The following ANGEL2 variants were observed in gnomAD, a reference collection of about 807,000 sequenced individuals.
ANGEL2 encodes the protein angel homolog 2.
A neutral mutation model predicts 66.0 loss-of-function variants in ANGEL2; 41 were observed. That is an observed-to-expected ratio of 0.62 (90% confidence interval 0.48 to 0.81). ANGEL2 has a LOEUF of 0.81. Among genes scored for constraint, ANGEL2 ranks in the 30% least tolerant of loss-of-function variants. The pLI, the probability that ANGEL2 is intolerant of heterozygous loss-of-function variation, is 0.00. For missense variants in ANGEL2, 561 were observed against 641.6 expected (o/e 0.87, Z 1.36); for synonymous variants, 208 against 226.5 (o/e 0.92, Z 0.73).
rs2075918627 is a variant in ANGEL2 at position 212,993,679 on chromosome 1, T to C, written c.*1362A>G. On this transcript the variant is annotated 3_prime_UTR_variant, in exon 9 of 9. Coordinates refer to ENST00000366962, the MANE Select transcript of ANGEL2 (RefSeq NM_144567.5). ...ACTTGTATAGAGGATTTATTAAACC[T>C]GCTCATAACCACTTCATAGAAAGTG... 1 of 152,240 alleles carries C rather than the reference T, an allele frequency of 6.6e-6. No homozygotes were observed. Among genetic ancestry groups the C allele is most frequent in the Admixed American group, 6.5e-5 (1 of 15,292 alleles). 9.4% of individuals were successfully genotyped at this position (152,240 alleles called of 1,614,324 possible).
At chr1:213,011,478 A>T in intron 2 of ANGEL2, 1 of 1,100,102 alleles carries the variant, frequency 9.1e-7, no homozygotes. Flanking sequence ...ATGGACATAT[A>T]GAAAGTCAGG....
At position 213,007,143 on chromosome 1, in the gene ANGEL2, C is replaced by T. The variant is rs564082006; in HGVS notation, c.698G>A (p.Ser233Asn). ...TTGCATTGTACCCAGTGATTCCAAA[C>T]TTGGCCTGATCTCTGCTCCATAATG... ...EDHYGAEIRP[S>N]LESLGYHCEY... Residue 233 changes from serine (S) to asparagine (N), a missense_variant, in exon 4 of 9, where the codon AGT becomes AAT. Transcript: ENST00000366962. 1.9e-6 allele frequency: 3 copies of T among 1,594,228 alleles called. No homozygotes were observed. The highest frequency in any genetic ancestry group is 4.5e-5 in the East Asian group (2 of 44,152).
At position 212,994,967 on chromosome 1, in the gene ANGEL2, A is replaced by T; in HGVS notation, c.*74T>A. 1.4e-6 allele frequency: 2 copies of T among 1,386,162 alleles called. No homozygotes were observed. The highest frequency in any genetic ancestry group is 1.9e-6 in the Non-Finnish European group (2 of 1,047,462). The allele number at this position is 1,386,162 out of a possible 1,614,324, so 85.9% of individuals were successfully genotyped here. On this transcript the variant is annotated 3_prime_UTR_variant, in exon 9 of 9. Transcript: ENST00000366962. Reference sequence around the variant, plus strand: ...CACAGTGCAAAAATAAACAACATGCATACACTTAAGAACTTTACATTCTTT... The same window carrying T: ...CACAGTGCAAAAATAAACAACATGCTTACACTTAAGAACTTTACATTCTTT...
In ANGEL2 at chr1:212,997,209, T is replaced by A. The variant is rs1405945656; in HGVS notation, c.1429A>T (p.Thr477Ser). 5 of 1,614,044 alleles carry A rather than the reference T, an allele frequency of 3.1e-6. No individual in the cohort carries two copies. In the South Asian group the frequency reaches 5.5e-5, roughly 18 times the overall value. ...GCAGAGTAGAAAATATAATCCACAGTTATGGCACTTCGGGAATGACAGGTG... is the reference window on the plus strand; with the variant it reads ...GCAGAGTAGAAAATATAATCCACAGATATGGCACTTCGGGAATGACAGGTG... The part of the protein sequence containing the change: ...VTTCHSRSAI[T>S]VDYIFYSAEK... The change falls in exon 8 of 9, where the codon ACT becomes TCT. Residue 477 changes from threonine (T) to serine (S), a missense_variant. By Grantham distance (58) the Thr-to-Ser change is moderately conservative. Coordinates refer to ENST00000366962, the MANE Select transcript of ANGEL2 (RefSeq NM_144567.5).
chr1:213,008,480 T>C lies in ANGEL2; in HGVS notation c.386-14A>G, dbSNP rs2076407964. 1 of 1,608,102 alleles carries C rather than the reference T, an allele frequency of 6.2e-7. No individual in the cohort carries two copies. The highest frequency in any genetic ancestry group is 8.5e-7 in the Non-Finnish European group (1 of 1,177,104). On this transcript the variant is annotated splice_polypyrimidine_tract_variant and intron_variant, in intron 2 of 8. Transcript: ENST00000366962. ...GCTTTATCACACCTGTTAAAATATA[T>C]TGCACAAATATAAGGAATTAATCAA...
chr1:213,015,802 C>A lies in ANGEL2; in HGVS notation c.-131G>T. 7.9e-7 allele frequency: 1 copy of A among 1,267,676 alleles called. No individual in the cohort carries two copies. The highest frequency in any genetic ancestry group is 1.1e-6 in the Non-Finnish European group (1 of 899,540). 78.5% of individuals were successfully genotyped at this position (1,267,676 alleles called of 1,614,324 possible). On this transcript the variant is annotated 5_prime_UTR_variant, in exon 1 of 9. The change abolishes an upstream ATG in the 5' untranslated region. Transcript: ENST00000366962. Reference sequence around the variant, plus strand: ...ACCGACTCCAGTCCTGGCTGCAAGGCATGCTGGGAGGTGCAGTCTCGCCGG... The same window carrying A: ...ACCGACTCCAGTCCTGGCTGCAAGGAATGCTGGGAGGTGCAGTCTCGCCGG...
At chr1:213,012,000 C>G (rs1333102661) in intron 2 of ANGEL2, among the ~76,000 whole-genome samples, 1 of 152,194 alleles carries the variant, frequency 6.6e-6, no homozygotes, top group Admixed American at 6.5e-5. Context: ...GTACTATACA[C>G]AAACAGATTT....
chr1:213,011,253 T>C (rs2076501153), intron 2 of ANGEL2: 1 of 1,288,992 alleles, frequency 7.8e-7, no homozygotes, highest in East Asian at 5.5e-5. Flanking sequence ...AGAAGACAGA[T>C]GAATCAAAGA....
chr1:213,011,519 T>C lies in ANGEL2; in HGVS notation c.385+1574A>G. The C allele has an allele frequency of 2.9e-6, 3 of 1,023,228 alleles. No homozygotes were observed. In the African/African-American group the frequency reaches 5.2e-5, roughly 18 times the overall value. The allele number at this position is 1,023,228 out of a possible 1,614,324, so 63.4% of individuals were successfully genotyped here. A position where few individuals can be genotyped will look rare whatever the true frequency, so the allele number is the denominator to read the frequency against. The stretch of plus-strand genomic sequence containing the variant: ...ATCAAGCTTTATCAGTAGGTAAATG[T>C]AATTCCCCATCCATTAAGGGAAAAC... On this transcript the variant is annotated intron_variant, in intron 2 of 8. Coordinates refer to ENST00000366962, the MANE Select transcript of ANGEL2 (RefSeq NM_144567.5).
At chr1:213,003,648 T>A (rs912598741) in intron 5 of ANGEL2, among the ~76,000 whole-genome samples, 1 of 152,174 alleles carries the variant, frequency 6.6e-6, no homozygotes. Flanking sequence ...AATAGTAATA[T>A]CGAAGATCAC....
Position 213,015,657 on chromosome 1 carries a change from G to A in ANGEL2, c.15C>T (p.Arg5=), listed in dbSNP as rs771854479. 3 of 1,613,942 alleles carry A rather than the reference G, an allele frequency of 1.9e-6. No homozygotes were observed. The highest frequency in any genetic ancestry group is 2.2e-5 in the South Asian group (2 of 91,072). Reference sequence around the variant, plus strand: ...AGTGGCCGTAGCCCTTCCTCACACAGCGCCAGGCTTCCATCTTCGCCCTCC... The same window carrying A: ...AGTGGCCGTAGCCCTTCCTCACACAACGCCAGGCTTCCATCTTCGCCCTCC... MEAW[R]CVRKGYGHCV... is the part of the protein sequence containing the mutation. Residue 5 remains arginine (R), a synonymous_variant, in exon 1 of 9, where the codon CGC becomes CGT. Coordinates refer to ENST00000366962, the MANE Select transcript of ANGEL2 (RefSeq NM_144567.5).
At chr1:213,001,405 C>T (rs1450024696) in intron 5 of ANGEL2, 2 of 153,252 alleles carry the variant, frequency 1.3e-5, no homozygotes. Context: ...AAAATACATA[C>T]CTTAATTTAA....
intron 4 of ANGEL2, 143 bp from the exon 5 acceptor site, chr1:213,005,597 T>TA: frequency 7.4e-6 from 7 of 942,444 alleles, no homozygotes; most frequent in Non-Finnish European, 1.1e-5. Context: ...AACATTGGAA[T>TA]AAAAAACGTT....
intron 7 of ANGEL2, 72 bp downstream of exon 7, chr1:213,000,254 G>A (rs976179505): frequency 1.4e-6 from 2 of 1,407,994 alleles, no homozygotes; most frequent in East Asian, 4.6e-5. Context: ...TTTTATCCAA[G>A]TGATTTTTGA....
chr1:213,000,333 C>T lies in ANGEL2; in HGVS notation c.1312G>A (p.Ala438Thr). The T allele has an allele frequency of 6.2e-7, 1 of 1,613,596 alleles. No homozygotes were observed. The change falls in exon 7 of 9, where the codon GCT (alanine) becomes ACT (threonine). Residue 438 changes from alanine to threonine, a missense_variant. By Grantham distance (58) the Ala-to-Thr change is moderately conservative. Transcript: ENST00000366962. ...TTGCTTTCCAGAACTCACTTTTCAG[C>T]TGTCACTAGGACCTCTGTTTGCTTC... ...QLKQTEVLVTAEKLSSNLQHH... is the reference protein window; with the variant it reads ...QLKQTEVLVTTEKLSSNLQHH...
chr1:213,010,642 T>C (rs1286217082), intron 2 of ANGEL2, among the ~76,000 whole-genome samples: 2 of 151,850 alleles, frequency 1.3e-5, no homozygotes, highest in Non-Finnish European at 2.9e-5. Context: ...CTGTCTATGA[T>C]GGTTTTAGCC....
At chr1:213,003,753 A>G (rs1010612588) in intron 5 of ANGEL2, among the ~76,000 whole-genome samples, 1 of 152,188 alleles carries the variant, frequency 6.6e-6, no homozygotes, top group Non-Finnish European at 1.5e-5. Flanking sequence ...AATTGAGCAC[A>G]TGCTGTTGGA....
intron 5 of ANGEL2, 105 bp downstream of exon 5, chr1:213,004,928 C>A: frequency 7.1e-6 from 4 of 564,082 alleles, no homozygotes; most frequent in South Asian, 2.8e-5. Flanking sequence ...AGTGAGGGTA[C>A]TGGATCATCC....
intron 7 of ANGEL2, among the ~76,000 whole-genome samples, chr1:212,998,114 G>GA (rs1466160407): frequency 1.3e-5 from 2 of 151,906 alleles, no homozygotes; most frequent in African/African-American, 4.8e-5. Context: ...AATAGGGCCG[G>GA]ACGCGGTGGC....
Sources: allele counts gnomAD v4.1 joint callset (sites outside exome capture counted in the v4.1 genomes callset), GRCh38; gene constraint gnomAD v4.1.1; transcripts MANE v1.5; gene names NCBI Gene and HGNC (gene_info 2026-07-23, HGNC 2026-07-21).